Variants in DNAJC10 observed in about 807,000 individuals in gnomAD.
DNAJC10 encodes endoplasmic reticulum disulfide reductase DNAJC10.
In DNAJC10, 101 loss-of-function variants were observed where a neutral mutation model predicts 115.0. The observed-to-expected ratio is 0.88, with a 90% CI of 0.75 to 1.04. The LOEUF is 1.04. DNAJC10 is among the 50% of genes least tolerant of loss of function. The probability of loss-of-function intolerance (pLI) is 0.00; values close to 1 mark genes in which losing one functional copy is unlikely to be tolerated. For missense variants in DNAJC10, 981 were observed against 928.8 expected (o/e 1.06, Z -0.73); for synonymous variants, 307 against 301.5 (o/e 1.02, Z -0.19).
At chr2:182,732,325 T>C (rs1464834290) in intron 9 of DNAJC10, among the ~76,000 whole-genome samples, 174 bp from the exon 10 acceptor site, 1 of 109,380 alleles carries the variant, frequency 9.1e-6, no homozygotes, top group Non-Finnish European at 1.6e-5. Context: ...TGTGTGTTTT[T>C]GTGTGTGTGT....
intron 21 of DNAJC10, among the ~76,000 whole-genome samples, chr2:182,760,036 A>C (rs940564287): frequency 6.6e-6 from 1 of 152,086 alleles, no homozygotes; most frequent in African/African-American, 2.4e-5. Context: ...TGACTTACTA[A>C]GTTTCTTAAT....
rs1471697199 is a variant in DNAJC10 at position 182,757,751 on chromosome 2, T to G, written c.1869T>G (p.Cys623Trp). 1.2e-6 allele frequency: 2 copies of G among 1,604,920 alleles called. No homozygotes were observed. Among genetic ancestry groups the G allele is most frequent in the Admixed American group, 3.4e-5 (2 of 59,164 alleles). ...SIDCQQYHSF[C>W]AQENVQRYPE... ...ATTGCCAACAGTATCATTCTTTTTG[T>G]GCCCAGGAAAACGTTCAAAGATACC... Residue 623 changes from cysteine to tryptophan, a missense_variant, in exon 19 of 24, where the codon TGT becomes TGG. By Grantham distance (215) the Cys-to-Trp change is radical (BLOSUM62 -2). Transcript: ENST00000264065.
intron 10 of DNAJC10, among the ~76,000 whole-genome samples, chr2:182,734,990 G>C (rs945783737): frequency 6.6e-6 from 1 of 150,708 alleles, no homozygotes; most frequent in Admixed American, 6.6e-5. Context: ...TATTTATCTA[G>C]TTGCTATTTT....
intron 14 of DNAJC10, among the ~76,000 whole-genome samples, chr2:182,751,303 T>G (rs908579159): frequency 1.3e-5 from 2 of 151,860 alleles, no homozygotes; most frequent in Admixed American, 6.6e-5. Context: ...CCAGCTAATT[T>G]TTTGTATTTT....
intron 7 of DNAJC10, 32 bp downstream of exon 7, chr2:182,729,026 G>T: frequency 1.2e-6 from 2 of 1,606,086 alleles, no homozygotes; most frequent in Non-Finnish European, 8.5e-7. Context: ...TTTTAAATTT[G>T]TGAAACATTA....
Position 182,784,377 on chromosome 2 carries a change from A to C in DNAJC10, c.*7245A>C, listed in dbSNP as rs1248579144. On this transcript the variant is annotated 3_prime_UTR_variant, in exon 24 of 24. Coordinates refer to ENST00000264065, the MANE Select transcript of DNAJC10 (RefSeq NM_018981.4). Reference sequence around the variant, plus strand: ...TTTTGTTGGTATTTTATATAAACTTAAGAAACCTCCCCACACAAACACACA... The same window carrying C: ...TTTTGTTGGTATTTTATATAAACTTCAGAAACCTCCCCACACAAACACACA... 1 of 152,108 alleles carries C rather than the reference A, an allele frequency of 6.6e-6. No individual in the cohort carries two copies. Among genetic ancestry groups the C allele is most frequent in the Non-Finnish European group, 1.5e-5 (1 of 68,016 alleles). The allele number at this position is 152,108 out of a possible 1,614,324, so 9.4% of individuals were successfully genotyped here. A position where few individuals can be genotyped will look rare whatever the true frequency, so the allele number is the denominator to read the frequency against.
At chr2:182,754,802 T>G in intron 16 of DNAJC10, 1 of 1,328,794 alleles carries the variant, frequency 7.5e-7, no homozygotes, top group Non-Finnish European at 9.7e-7. Context: ...TAAATAAGGA[T>G]CAGGTATTCA....
At chr2:182,774,271 G>A (rs1694645405) in intron 22 of DNAJC10, among the ~76,000 whole-genome samples, 1 of 152,204 alleles carries the variant, frequency 6.6e-6, no homozygotes, top group African/African-American at 2.4e-5. Context: ...GGCCCCTACT[G>A]GAAGGTGTCT....
intron 19 of DNAJC10, among the ~76,000 whole-genome samples, chr2:182,758,217 C>A (rs1242016600): frequency 1.3e-5 from 2 of 152,106 alleles, no homozygotes; most frequent in African/African-American, 4.8e-5. Flanking sequence ...ACCTTAGAAT[C>A]CAAGGTCTAG....
intron 17 of DNAJC10, 29 bp from the exon 18 acceptor site, chr2:182,756,285 T>C: frequency 6.3e-7 from 1 of 1,583,120 alleles, no homozygotes. Context: ...TTTATATATA[T>C]GTTATAATGG....
chr2:182,746,995 C>G (rs1474904450), intron 14 of DNAJC10, among the ~76,000 whole-genome samples: 1 of 152,014 alleles, frequency 6.6e-6, no homozygotes, highest in East Asian at 1.9e-4. Flanking sequence ...GGAATCCTTT[C>G]CCCATTGCTT....
At chr2:182,755,188 G>A (rs1017644151) in intron 17 of DNAJC10, 84 bp downstream of exon 17, 14 of 832,348 alleles carry the variant, frequency 1.7e-5, no homozygotes, top group Non-Finnish European at 2.6e-5. Context: ...TGTTTAATAG[G>A]ATTTACTCTT....
chr2:182,739,236 A>T (rs923520965), intron 11 of DNAJC10, among the ~76,000 whole-genome samples: 8 of 145,976 alleles, frequency 5.5e-5, no homozygotes, highest in South Asian at 4.2e-4. Context: ...ATATATATTT[A>T]TATATATATA....
chr2:182,718,418 T>C (rs1439172601), intron 3 of DNAJC10, 128 bp downstream of exon 3: 1 of 808,044 alleles, frequency 1.2e-6, no homozygotes, highest in Non-Finnish European at 1.8e-6. Flanking sequence ...TCAACTTGTA[T>C]GCTAGAAACA....
At chr2:182,738,176 CTT>C (rs1442833326) in intron 11 of DNAJC10, among the ~76,000 whole-genome samples, 2 of 152,142 alleles carry the variant, frequency 1.3e-5, no homozygotes, top group Non-Finnish European at 2.9e-5. Flanking sequence ...TGTGTTTCTA[CTT>C]TCTCAAGATG....
chr2:182,778,367 A>G lies in DNAJC10; in HGVS notation c.*1235A>G, dbSNP rs1694763685. ...TATAAATCTAGGAAAGGGATCTTCTAGTTTCTGTGTTGTTTAGACTCAAAG... is the reference window on the plus strand; with the variant it reads ...TATAAATCTAGGAAAGGGATCTTCTGGTTTCTGTGTTGTTTAGACTCAAAG... On this transcript the variant is annotated 3_prime_UTR_variant, in exon 24 of 24. Coordinates refer to ENST00000264065, the MANE Select transcript of DNAJC10 (RefSeq NM_018981.4). 2 of 152,138 alleles carry G rather than the reference A, an allele frequency of 1.3e-5. No homozygotes were observed. The highest frequency in any genetic ancestry group is 1.3e-4 in the Admixed American group (2 of 15,262). 9.4% of individuals were successfully genotyped at this position (152,138 alleles called of 1,614,324 possible).
intron 22 of DNAJC10, among the ~76,000 whole-genome samples, chr2:182,769,816 T>G (rs1385112083): frequency 6.6e-6 from 1 of 152,194 alleles, no homozygotes; most frequent in African/African-American, 2.4e-5. Flanking sequence ...AGAAGCTCTT[T>G]AGTTTAATTA....
intron 7 of DNAJC10, 158 bp from the exon 8 acceptor site, chr2:182,729,690 A>G (rs1693390827): frequency 4.3e-6 from 2 of 465,990 alleles, no homozygotes; most frequent in Admixed American, 8.2e-5. Context: ...TACTGTCAAG[A>G]TTATCAGGAT....
chr2:182,718,513 G>A (rs999779094), intron 3 of DNAJC10, among the ~76,000 whole-genome samples: 4 of 152,114 alleles, frequency 2.6e-5, no homozygotes, highest in Non-Finnish European at 4.4e-5. Context: ...ATTTGTAGAC[G>A]ATTTTCCAAC....
Sources: allele counts gnomAD v4.1 joint callset (sites outside exome capture counted in the v4.1 genomes callset), GRCh38; gene constraint gnomAD v4.1.1; transcripts MANE v1.5; gene names NCBI Gene and HGNC (gene_info 2026-07-23, HGNC 2026-07-21).